MYT1L: variants seen among roughly 807,000 people sequenced by gnomAD.
MYT1L encodes myelin transcription factor 1 like.
A neutral mutation model predicts 126.7 loss-of-function variants in MYT1L; 12 were observed. The ratio of observed to expected loss-of-function variants is 0.09; its 90% confidence interval spans 0.06 to 0.15. MYT1L has a LOEUF of 0.15. Among genes scored for constraint, MYT1L ranks in the 10% least tolerant of loss-of-function variants. The pLI is 1.00. For synonymous variants in MYT1L, 541 were observed against 604.2 expected (o/e 0.90, Z 1.53); for missense variants, 979 against 1,585.2 (o/e 0.62, Z 6.49).
At chr2:1,995,250 T>C (rs1252040080) in intron 5 of MYT1L, among the ~76,000 whole-genome samples, 1 of 152,144 alleles carries the variant, frequency 6.6e-6, no homozygotes, top group Admixed American at 6.5e-5. Flanking sequence ...CACTCTAGCA[T>C]GTGTGGAAGA....
At chr2:1,881,355 C>CGTGTGTGTGTGTGTGTGTGTGTGT (rs59171974) in intron 18 of MYT1L, among the ~76,000 whole-genome samples, 1 of 139,126 alleles carries the variant, frequency 7.2e-6, no homozygotes, top group African/African-American at 2.6e-5. Flanking sequence ...TTTGCAGGTT[C>CGTGTGTGTGTGTGTGTGTGTGTGT]GTGTGTGTGT....
At chr2:1,936,967 G>A (rs1000088428) in intron 9 of MYT1L, among the ~76,000 whole-genome samples, 1 of 152,186 alleles carries the variant, frequency 6.6e-6, no homozygotes, top group African/African-American at 2.4e-5. Flanking sequence ...AAATGTTTCT[G>A]TGAGAAGGAA....
chr2:2,125,284 T>A (rs1336010349), intron 3 of MYT1L, among the ~76,000 whole-genome samples: 2 of 152,152 alleles, frequency 1.3e-5, no homozygotes, highest in African/African-American at 4.8e-5. Context: ...CCTTCCCACA[T>A]CTGGATCCAA....
At chr2:2,072,429 TTA>T (rs2074711242) in intron 3 of MYT1L, among the ~76,000 whole-genome samples, 1 of 152,198 alleles carries the variant, frequency 6.6e-6, no homozygotes, top group Non-Finnish European at 1.5e-5. Flanking sequence ...GAGCAAATTA[TTA>T]CCCACTGCCC....
chr2:2,188,532 A>G (rs1317937400), intron 2 of MYT1L, among the ~76,000 whole-genome samples: 1 of 152,232 alleles, frequency 6.6e-6, no homozygotes, highest in Non-Finnish European at 1.5e-5. Context: ...TCTATTTAAA[A>G]TGGCCTAGAA....
At chr2:1,885,263 G>A (rs887231716) in intron 18 of MYT1L, 15 of 152,662 alleles carry the variant, frequency 9.8e-5, no homozygotes, top group African/African-American at 3.4e-4. Flanking sequence ...TGAACAAAGT[G>A]GGTTGAACTG....
At chr2:2,251,352 T>C (rs541797465) in intron 2 of MYT1L, among the ~76,000 whole-genome samples, 1 of 152,352 alleles carries the variant, frequency 6.6e-6, no homozygotes, top group South Asian at 2.1e-4. Context: ...AGCCCAGGCT[T>C]CACTCTCCTG....
At chr2:2,262,127 G>A (rs1401028222) in intron 2 of MYT1L, among the ~76,000 whole-genome samples, 2 of 152,154 alleles carry the variant, frequency 1.3e-5, no homozygotes, top group South Asian at 4.1e-4. Flanking sequence ...AATCCCAACA[G>A]CTAGAATAGT....
rs552558287 is a variant in MYT1L at position 2,163,169 on chromosome 2, C to T, written c.-304+9703G>A. 3.3e-5 allele frequency among the ~76,000 whole-genome samples: 5 copies of T among 152,240 alleles called. No homozygotes were observed. The East Asian group carries it at 5.8e-4, about 18-fold the overall frequency. On this transcript the variant is annotated intron_variant, in intron 3 of 24. Transcript: ENST00000647738. Reference sequence around the variant, plus strand: ...CCCTAAATGAGCATTGTTTAAAGAACGGTTCTGGGACCACCTCCATTAGAA... The same window carrying T: ...CCCTAAATGAGCATTGTTTAAAGAATGGTTCTGGGACCACCTCCATTAGAA...
intron 2 of MYT1L, among the ~76,000 whole-genome samples, chr2:2,194,876 A>C (rs2092731434): frequency 6.6e-6 from 1 of 152,244 alleles, no homozygotes; most frequent in African/African-American, 2.4e-5. Context: ...CTAATATGGA[A>C]TGCTAAGGAT....
chr2:2,039,843 G>T (rs773167638), intron 4 of MYT1L, among the ~76,000 whole-genome samples: 17 of 152,158 alleles, frequency 1.1e-4, no homozygotes, highest in Non-Finnish European at 2.2e-4. Context: ...ACTCTTCCAC[G>T]TGGAATGGCT....
At chr2:1,868,635 G>A (rs1252199007) in intron 18 of MYT1L, among the ~76,000 whole-genome samples, 6 of 152,216 alleles carry the variant, frequency 3.9e-5, no homozygotes, top group Non-Finnish European at 7.3e-5. Flanking sequence ...CTTAGGAAGG[G>A]AAGGGGGTCC....
intron 18 of MYT1L, among the ~76,000 whole-genome samples, chr2:1,863,050 G>A (rs1026861865): frequency 1.3e-5 from 2 of 152,182 alleles, no homozygotes; most frequent in Non-Finnish European, 2.9e-5. Flanking sequence ...ATGGACACTG[G>A]GAATGGTAGC....
At chr2:2,153,365 T>C (rs2086135686) in intron 3 of MYT1L, among the ~76,000 whole-genome samples, 1 of 152,188 alleles carries the variant, frequency 6.6e-6, no homozygotes, top group Admixed American at 6.5e-5. Flanking sequence ...AATATCAGTG[T>C]TAAGATCCTG....
rs2045117488 is a variant in MYT1L, at chr2:1,864,117, G to A, written c.2712-12414C>T. Among the ~76,000 whole-genome samples, 4 of 152,318 alleles carry A rather than the reference G, an allele frequency of 2.6e-5. No individual in the cohort carries two copies. The South Asian group carries it at 6.2e-4, about 24-fold the overall frequency. ...TGGCCCAGGTGGATGGTGACAGGCC[G>A]GGCTGTGCCTTCCCTCTGGGAAACA... On this transcript the variant is annotated intron_variant, in intron 18 of 24. Transcript: ENST00000647738.
chr2:1,892,642 T>C (rs1453493444), intron 14 of MYT1L, among the ~76,000 whole-genome samples: 1 of 150,504 alleles, frequency 6.6e-6, no homozygotes, highest in East Asian at 2.0e-4. Flanking sequence ...AGCCGCAGGG[T>C]GTAGGGAAGT....
At chr2:2,310,805 G>T (rs1057442185) in intron 1 of MYT1L, among the ~76,000 whole-genome samples, 5 of 152,078 alleles carry the variant, frequency 3.3e-5, no homozygotes, top group Non-Finnish European at 7.4e-5. Flanking sequence ...CCCACGGGCG[G>T]TTGTGACTCA....
chr2:2,229,545 G>A (rs1165191163), intron 2 of MYT1L, among the ~76,000 whole-genome samples: 1 of 151,926 alleles, frequency 6.6e-6, no homozygotes, highest in Non-Finnish European at 1.5e-5. Flanking sequence ...GGGTTCAAGT[G>A]ATCCTCCCAC....
In MYT1L at chr2:1,821,856, A is replaced by T. The variant is rs2038582262; in HGVS notation, c.3081-12689T>A. 2.6e-5 allele frequency among the ~76,000 whole-genome samples: 4 copies of T among 152,172 alleles called. 1 individual carries two copies. The South Asian group carries it at 8.3e-4, about 32-fold the overall frequency. The stretch of plus-strand genomic sequence containing the variant: ...CATCTCACTTGACGTTCCCATCTTC[A>T]GTACAACGGCTCATCCTGTTTCCAG... On this transcript the variant is annotated intron_variant, in intron 21 of 24. Coordinates refer to ENST00000647738, the MANE Select transcript of MYT1L (RefSeq NM_001303052.2).
Sources: allele counts gnomAD v4.1 joint callset (sites outside exome capture counted in the v4.1 genomes callset), GRCh38; gene constraint gnomAD v4.1.1; transcripts MANE v1.5; gene names NCBI Gene and HGNC (gene_info 2026-07-23, HGNC 2026-07-21).